Variants in KAZN observed in about 807,000 individuals in gnomAD.
KAZN encodes kazrin, periplakin interacting protein, also known as kazrin.
Under a neutral mutation model 87.4 loss-of-function variants are expected in KAZN, and 40 were observed. That is an observed-to-expected ratio of 0.46 (90% CI 0.36 to 0.60). KAZN has a LOEUF of 0.60. Ranked by LOEUF, KAZN falls within the 20% of genes least tolerant of loss-of-function variation. The pLI is 0.00. For synonymous variants in KAZN, 466 were observed against 458.3 expected (o/e 1.02, Z -0.22); for missense variants, 898 against 1,073.9 (o/e 0.84, Z 2.29).
At chr1:14,971,706 G>A (rs1251679224) in intron 2 of KAZN, among the ~76,000 whole-genome samples, 4 of 140,050 alleles carry the variant, frequency 2.9e-5, no homozygotes, top group African/African-American at 8.4e-5. Flanking sequence ...TTTTGAGACG[G>A]ACTCTCGCTC....
intron 2 of KAZN, among the ~76,000 whole-genome samples, chr1:14,376,054 T>G (rs1241051247): frequency 6.6e-6 from 1 of 151,986 alleles, no homozygotes; most frequent in Admixed American, 6.5e-5. Context: ...AACACACAGA[T>G]AAGTCTGATG....
intron 2 of KAZN, among the ~76,000 whole-genome samples, chr1:15,029,006 T>C (rs370765173): frequency 1.3e-5 from 2 of 152,274 alleles, no homozygotes. Context: ...TCCTCCCCAT[T>C]CTTAGCTCAT....
chr1:13,922,754 C>T (rs1001369486), intron 1 of KAZN, among the ~76,000 whole-genome samples: 6 of 152,184 alleles, frequency 3.9e-5, no homozygotes, highest in Admixed American at 6.5e-5. Context: ...ACAACGTGTC[C>T]AGCTTTAGAG....
chr1:14,514,629 A>ATTTTTTTATATTT, intron 2 of KAZN, among the ~76,000 whole-genome samples: 1 of 49,196 alleles, frequency 2.0e-5, no homozygotes, highest in African/African-American at 7.6e-5. Flanking sequence ...ATATATATAT[A>ATTTTTTTATATTT]TATATATATA....
chr1:14,563,788 G>A (rs937788952), intron 2 of KAZN, among the ~76,000 whole-genome samples: 28 of 150,174 alleles, frequency 1.9e-4, no homozygotes, highest in Non-Finnish European at 3.7e-4. Flanking sequence ...TGGTCTCCTT[G>A]TCTTTAGTTT....
At chr1:14,236,133 A>G (rs1648401854) in intron 2 of KAZN, among the ~76,000 whole-genome samples, 1 of 152,206 alleles carries the variant, frequency 6.6e-6, no homozygotes. Context: ...AGATGTAGGG[A>G]CAATGGGAAG....
intron 2 of KAZN, among the ~76,000 whole-genome samples, chr1:14,200,994 GCTT>G (rs1646627947): frequency 6.6e-6 from 1 of 152,126 alleles, no homozygotes; most frequent in Non-Finnish European, 1.5e-5. Context: ...ACACACCTGT[GCTT>G]CTTTCCTTTG....
intron 2 of KAZN, among the ~76,000 whole-genome samples, chr1:14,458,381 G>A (rs1667682572): frequency 6.6e-6 from 1 of 152,196 alleles, no homozygotes; most frequent in African/African-American, 2.4e-5. Flanking sequence ...TAGGTATAAA[G>A]TAATCTCTTC....
At chr1:14,838,196 G>A (rs759367430) in intron 1 of KAZN, among the ~76,000 whole-genome samples, 12 of 152,188 alleles carry the variant, frequency 7.9e-5, no homozygotes, top group Non-Finnish European at 1.3e-4. Flanking sequence ...AAAGAGCTGT[G>A]GCTGTGTGAA....
intron 2 of KAZN, among the ~76,000 whole-genome samples, chr1:14,183,298 G>T (rs1408581764): frequency 2.6e-5 from 4 of 152,130 alleles, no homozygotes; most frequent in African/African-American, 9.7e-5. Flanking sequence ...TGATTGGCAG[G>T]CCTGACAATC....
chr1:14,152,561 G>A (rs1014233672), intron 1 of KAZN, among the ~76,000 whole-genome samples: 24 of 152,108 alleles, frequency 1.6e-4, no homozygotes, highest in African/African-American at 5.6e-4. Flanking sequence ...TTGTATATAA[G>A]TACCAAATTT....
intron 1 of KAZN, chr1:14,180,397 A>G (rs1287508114): frequency 6.5e-7 from 1 of 1,536,008 alleles, no homozygotes; most frequent in East Asian, 2.5e-5. Context: ...GAAAGTTACC[A>G]GTTGTGACTC....
At chr1:14,935,694 C>T (rs553896615) in intron 1 of KAZN, among the ~76,000 whole-genome samples, 77 of 152,296 alleles carry the variant, frequency 5.1e-4, no homozygotes, top group Middle Eastern at 3.4e-3. Context: ...CCTCTCCCTT[C>T]CCCTTCTCCC....
intron 2 of KAZN, among the ~76,000 whole-genome samples, chr1:14,507,974 T>TAA (rs1196812576): frequency 1.6e-4 from 14 of 88,040 alleles, no homozygotes; most frequent in African/African-American, 4.8e-4. Flanking sequence ...CTCCAAAAAA[T>TAA]AAATAAAAAA....
chr1:14,685,884 A>G (rs1557888788), intron 1 of KAZN, among the ~76,000 whole-genome samples: 1 of 152,146 alleles, frequency 6.6e-6, no homozygotes, highest in Non-Finnish European at 1.5e-5. Flanking sequence ...GTGTGTATTC[A>G]ATTCCCATAA....
intron 2 of KAZN, among the ~76,000 whole-genome samples, chr1:14,380,030 G>C (rs907419383): frequency 6.6e-6 from 1 of 152,230 alleles, no homozygotes; most frequent in African/African-American, 2.4e-5. Flanking sequence ...AGAACAGAGA[G>C]ACTCCATTTG....
At chr1:14,592,180 A>G (rs2148582299) in intron 2 of KAZN, among the ~76,000 whole-genome samples, 1 of 152,326 alleles carries the variant, frequency 6.6e-6, no homozygotes, top group African/African-American at 2.4e-5. Flanking sequence ...TAGATAGGCC[A>G]GGATTCACAT....
In KAZN at chr1:14,681,857, A is replaced by T. The variant is rs368345369; in HGVS notation, c.226+82634A>T. On this transcript the variant is annotated intron_variant, in intron 1 of 14. Coordinates refer to ENST00000376030, the MANE Select transcript of KAZN (RefSeq NM_201628.3). ...CAGGCGCCCGCCACCACACCCAGCT[A>T]ATTTTTTGTATTTTTAGTAGAGACA... Among the ~76,000 whole-genome samples the T allele has an allele frequency of 3.3e-5, 5 of 149,444 alleles. No individual in the cohort carries two copies. The East Asian group carries it at 1.0e-3, about 30-fold the overall frequency.
chr1:14,523,148 C>A (rs1671675355), intron 2 of KAZN, among the ~76,000 whole-genome samples: 1 of 152,190 alleles, frequency 6.6e-6, no homozygotes, highest in Non-Finnish European at 1.5e-5. Context: ...GGCTGGGAGG[C>A]ACCTCACCCT....
Sources: allele counts gnomAD v4.1 joint callset (sites outside exome capture counted in the v4.1 genomes callset), GRCh38; gene constraint gnomAD v4.1.1; transcripts MANE v1.5; gene names NCBI Gene and HGNC (gene_info 2026-07-23, HGNC 2026-07-21).